CTNNA3: variants seen among roughly 807,000 people sequenced by gnomAD.
CTNNA3 encodes the protein catenin alpha 3.
Under a neutral mutation model 95.7 loss-of-function variants are expected in CTNNA3, and 76 were observed. The observed-to-expected ratio is 0.79, with a 90% CI of 0.66 to 0.96. The LOEUF (loss-of-function observed/expected upper bound fraction) is 0.96, where lower values mean the gene tolerates loss of function less well. CTNNA3 is among the 40% of genes least tolerant of loss of function. The pLI, the probability that CTNNA3 is intolerant of heterozygous loss-of-function variation, is 0.00. For synonymous variants in CTNNA3, 431 were observed against 374.4 expected, an observed-to-expected ratio of 1.15 and a Z score of -1.74; for missense variants, 1,191 against 1,089.8, an observed-to-expected ratio of 1.09 and a Z score of -1.31.
chr10:66,563,372 A>G (rs1279021151), intron 10 of CTNNA3, among the ~76,000 whole-genome samples: 1 of 152,144 alleles, frequency 6.6e-6, no homozygotes, highest in Non-Finnish European at 1.5e-5. Flanking sequence ...CTTTTTCTCT[A>G]TGAATACAGG....
intron 5 of CTNNA3, among the ~76,000 whole-genome samples, chr10:67,401,948 C>T (rs984356274): frequency 6.6e-6 from 1 of 152,154 alleles, no homozygotes; most frequent in Admixed American, 6.6e-5. Context: ...AAAGTACACT[C>T]AATTTACACC....
chr10:66,763,356 A>AGAGAGAGG (rs1253601768), intron 9 of CTNNA3, among the ~76,000 whole-genome samples: 1 of 151,530 alleles, frequency 6.6e-6, no homozygotes, highest in Admixed American at 6.6e-5. Flanking sequence ...AGAGAGAGGG[A>AGAGAGAGG]GAGAGAGAGA....
intron 3 of CTNNA3, among the ~76,000 whole-genome samples, chr10:67,558,415 C>A (rs920463762): frequency 6.6e-6 from 1 of 152,186 alleles, no homozygotes; most frequent in Non-Finnish European, 1.5e-5. Flanking sequence ...AATATCAATT[C>A]TATTCTTCAC....
intron 14 of CTNNA3, among the ~76,000 whole-genome samples, chr10:66,076,437 T>C (rs1174018688): frequency 2.0e-5 from 3 of 151,754 alleles, no homozygotes; most frequent in Non-Finnish European, 3.0e-5. Flanking sequence ...AGCAATTTTC[T>C]GTAATATTTT....
chr10:66,914,572 C>T (rs1036344468), intron 7 of CTNNA3, among the ~76,000 whole-genome samples: 2 of 150,482 alleles, frequency 1.3e-5, no homozygotes, highest in African/African-American at 2.4e-5. Context: ...CAAATAATAT[C>T]CTCACAGTGA....
chr10:66,386,727 T>C (rs1472663460), intron 11 of CTNNA3, among the ~76,000 whole-genome samples: 1 of 152,154 alleles, frequency 6.6e-6, no homozygotes, highest in East Asian at 1.9e-4. Context: ...CAAAACAGCA[T>C]GATACTGGTA....
chr10:66,484,716 C>G (rs188395355), intron 11 of CTNNA3, among the ~76,000 whole-genome samples: 1 of 151,962 alleles, frequency 6.6e-6, no homozygotes, highest in Middle Eastern at 3.4e-3. Flanking sequence ...AGCTAAGGAC[C>G]AAACTCGTTT....
intron 11 of CTNNA3, among the ~76,000 whole-genome samples, chr10:66,385,771 G>A (rs1480051099): frequency 1.3e-5 from 2 of 152,190 alleles, no homozygotes; most frequent in African/African-American, 4.8e-5. Context: ...TCCCTGGGAT[G>A]CAAGGCCGGT....
chr10:67,310,885 A>G (rs1840764919), intron 5 of CTNNA3, among the ~76,000 whole-genome samples: 1 of 152,328 alleles, frequency 6.6e-6, no homozygotes, highest in Non-Finnish European at 1.5e-5. Context: ...CAGGGGACAT[A>G]GCCAAAACAT....
intron 5 of CTNNA3, among the ~76,000 whole-genome samples, chr10:67,301,298 T>C (rs1322439169): frequency 2.6e-5 from 4 of 152,010 alleles, no homozygotes; most frequent in Non-Finnish European, 5.9e-5. Flanking sequence ...AAAACCACAA[T>C]GAGACATCTC....
chr10:66,537,811 A>T (rs1315892543), intron 10 of CTNNA3, among the ~76,000 whole-genome samples: 1 of 151,674 alleles, frequency 6.6e-6, no homozygotes, highest in Non-Finnish European at 1.5e-5. Flanking sequence ...TTTTTAAAAA[A>T]CTTCTCTGTG....
chr10:66,613,265 C>A (rs2132291309), intron 10 of CTNNA3, among the ~76,000 whole-genome samples: 1 of 152,154 alleles, frequency 6.6e-6, no homozygotes, highest in East Asian at 1.9e-4. Context: ...TTTCTTCTGC[C>A]AGGACACACC....
intron 1 of CTNNA3, among the ~76,000 whole-genome samples, chr10:67,689,757 T>C (rs1339688072): frequency 1.3e-5 from 2 of 152,018 alleles, no homozygotes; most frequent in African/African-American, 2.4e-5. Context: ...CCCAACTCCA[T>C]AGAGTCAGGG....
At chr10:67,672,860 T>A (rs1187627589) in intron 1 of CTNNA3, among the ~76,000 whole-genome samples, 1 of 152,188 alleles carries the variant, frequency 6.6e-6, no homozygotes, top group Non-Finnish European at 1.5e-5. Flanking sequence ...TTTGGTTCCA[T>A]ATGAACTTTA....
chr10:66,297,303 C>G (rs1319038135), intron 12 of CTNNA3, among the ~76,000 whole-genome samples: 2 of 152,010 alleles, frequency 1.3e-5, no homozygotes, highest in African/African-American at 4.8e-5. Context: ...TGGTTCCATC[C>G]TTGCAAGCCG....
At chr10:66,336,042 A>G (rs1372781974) in intron 12 of CTNNA3, among the ~76,000 whole-genome samples, 2 of 152,128 alleles carry the variant, frequency 1.3e-5, no homozygotes, top group African/African-American at 4.8e-5. Context: ...GGTGCGGGAT[A>G]TAATCTCCTG....
chr10:66,703,810 C>A (rs1030862731), intron 9 of CTNNA3, among the ~76,000 whole-genome samples: 8 of 152,048 alleles, frequency 5.3e-5, no homozygotes, highest in African/African-American at 1.9e-4. Context: ...GCAACAGTAC[C>A]AAAACAGTGA....
At chr10:66,194,037 C>G (rs1254737593) in intron 13 of CTNNA3, among the ~76,000 whole-genome samples, 2 of 151,956 alleles carry the variant, frequency 1.3e-5, no homozygotes, top group Non-Finnish European at 2.9e-5. Context: ...ATTCTGGAAA[C>G]AGTATGCTTA....
chr10:67,376,377 A>G (rs1843689276), intron 5 of CTNNA3, among the ~76,000 whole-genome samples: 1 of 152,202 alleles, frequency 6.6e-6, no homozygotes, highest in Admixed American at 6.5e-5. Context: ...AGGATTGGAA[A>G]TTGGTCTTAG....
Sources: gnomAD v4.1 joint callset for allele counts (sites outside exome capture counted in the v4.1 genomes callset) on GRCh38, gnomAD v4.1.1 for gene constraint, MANE v1.5 for transcripts, NCBI Gene and HGNC (gene_info 2026-07-23, HGNC 2026-07-21) for gene names.